DNM3: variants seen among roughly 807,000 people sequenced by gnomAD.
DNM3 encodes dynamin-3.
In DNM3, 47 loss-of-function variants were observed where a neutral mutation model predicts 101.6. The ratio of observed to expected loss-of-function variants is 0.46; its 90% CI spans 0.37 to 0.59. DNM3 has a LOEUF of 0.59. Ranked by LOEUF, DNM3 falls within the 20% of genes least tolerant of loss-of-function variation. DNM3 has a pLI of 0.00. For synonymous variants in DNM3, 385 were observed against 387.9 expected, an observed-to-expected ratio of 0.99 and a Z score of 0.09; for missense variants, 849 against 1,085.7, an observed-to-expected ratio of 0.78 and a Z score of 3.06.
At chr1:171,962,688 C>T (rs1220013569) in intron 2 of DNM3, among the ~76,000 whole-genome samples, 1 of 152,112 alleles carries the variant, frequency 6.6e-6, no homozygotes, top group Non-Finnish European at 1.5e-5. Context: ...ACTCCCCTCT[C>T]CTGATTTCTT....
At chr1:172,364,513 A>T (rs1379731025) in intron 17 of DNM3, among the ~76,000 whole-genome samples, 1 of 151,946 alleles carries the variant, frequency 6.6e-6, no homozygotes, top group Non-Finnish European at 1.5e-5. Context: ...GGGATTGGAC[A>T]GAATCTATAG....
chr1:172,332,340 C>T (rs1317437848), intron 17 of DNM3, among the ~76,000 whole-genome samples: 2 of 152,150 alleles, frequency 1.3e-5, no homozygotes, highest in African/African-American at 4.8e-5. Flanking sequence ...GATGGAGTCT[C>T]ACTCTGTCAC....
At chr1:172,077,699 T>C (rs2052777616) in intron 11 of DNM3, among the ~76,000 whole-genome samples, 1 of 152,230 alleles carries the variant, frequency 6.6e-6, no homozygotes, top group Admixed American at 6.5e-5. Context: ...TCTGTTCTTT[T>C]GCATTTGCTG....
intron 14 of DNM3, among the ~76,000 whole-genome samples, chr1:172,172,789 C>T (rs967934686): frequency 1.1e-4 from 17 of 151,744 alleles, no homozygotes; most frequent in African/African-American, 4.1e-4. Context: ...AAGCACTTCC[C>T]ATCCCGAGTA....
intron 8 of DNM3, among the ~76,000 whole-genome samples, chr1:172,043,995 A>G (rs547612459): frequency 1.3e-5 from 2 of 152,356 alleles, no homozygotes; most frequent in South Asian, 4.1e-4. Flanking sequence ...TGTTAATTTC[A>G]GGACATCTGT....
intron 16 of DNM3, among the ~76,000 whole-genome samples, chr1:172,321,763 G>A (rs549305992): frequency 6.6e-5 from 10 of 152,288 alleles, no homozygotes; most frequent in Admixed American, 2.0e-4. Context: ...CTGCACTGCT[G>A]TGGAATGCAA....
chr1:172,052,841 T>G (rs1180046855), intron 10 of DNM3, among the ~76,000 whole-genome samples: 1 of 152,194 alleles, frequency 6.6e-6, no homozygotes, highest in Non-Finnish European at 1.5e-5. Context: ...CAACTACCAC[T>G]TAAAATATTG....
chr1:172,376,006 A>G (rs2068582132), intron 17 of DNM3: 1 of 152,074 alleles, frequency 6.6e-6, no homozygotes, highest in Non-Finnish European at 1.5e-5. Flanking sequence ...AACAAAAATA[A>G]TAATAGTAGT....
chr1:172,169,456 G>A (rs910694228), intron 14 of DNM3, among the ~76,000 whole-genome samples: 3 of 151,886 alleles, frequency 2.0e-5, no homozygotes, highest in Non-Finnish European at 4.4e-5. Context: ...TAGTCTTAGG[G>A]AAAACAACAT....
chr1:172,174,025 A>G (rs1379414540), intron 14 of DNM3, among the ~76,000 whole-genome samples: 1 of 151,704 alleles, frequency 6.6e-6, no homozygotes, highest in Non-Finnish European at 1.5e-5. Context: ...ATACCATAGT[A>G]GTATGTTAAT....
intron 1 of DNM3, among the ~76,000 whole-genome samples, chr1:171,885,317 A>AT (rs1334067647): frequency 5.3e-5 from 8 of 152,180 alleles, no homozygotes; most frequent in Non-Finnish European, 5.9e-5. Flanking sequence ...GAAAAGTAAA[A>AT]TTTTTTACCT....
chr1:172,320,785 T>C lies in DNM3; in HGVS notation c.1882-2544T>C, dbSNP rs187278133. The stretch of plus-strand genomic sequence containing the variant: ...CCAGCCTCCATCGGTTAGTCAGGAG[T>C]GAGCAGAAAGGCTGTCGGGAGCTGA... On this transcript the variant is annotated intron_variant, in intron 16 of 20. Transcript: ENST00000627582. Among the ~76,000 whole-genome samples the C allele has an allele frequency of 4.1e-3, 626 of 152,086 alleles. 6 individuals carry two copies. Among genetic ancestry groups the C allele is most frequent in the Middle Eastern group, 0.01 (3 of 294 alleles).
intron 11 of DNM3, among the ~76,000 whole-genome samples, chr1:172,072,895 C>G (rs138091884): frequency 4.6e-5 from 7 of 151,876 alleles, no homozygotes; most frequent in African/African-American, 1.7e-4. Flanking sequence ...CAAAAAACAA[C>G]AACAAAAAAA....
In DNM3 at chr1:172,031,129, G is replaced by A. The variant is rs535787820; in HGVS notation, c.590-1273G>A. 3.3e-5 allele frequency among the ~76,000 whole-genome samples: 5 copies of A among 152,182 alleles called. No homozygotes were observed. The South Asian group carries it at 1.0e-3, about 32-fold the overall frequency. On this transcript the variant is annotated intron_variant, in intron 4 of 20. Transcript: ENST00000627582. The stretch of plus-strand genomic sequence containing the variant: ...TATGTTTATTGATGCACTATTTATA[G>A]TAGCAAAGAATTGGAACCAACCCAA...
At chr1:171,953,280 A>G (rs987365509) in intron 2 of DNM3, among the ~76,000 whole-genome samples, 1 of 152,190 alleles carries the variant, frequency 6.6e-6, no homozygotes, top group East Asian at 1.9e-4. Flanking sequence ...ATTAAATGCC[A>G]TATGCACACC....
At chr1:172,131,028 G>A in intron 13 of DNM3, 147 bp from the exon 14 acceptor site, 1 of 676,636 alleles carries the variant, frequency 1.5e-6, no homozygotes, top group Non-Finnish European at 2.6e-6. Flanking sequence ...AAATTCTCTT[G>A]AATAACTCAA....
rs1339904304 is a variant in DNM3, at chr1:171,933,000, T to G, written c.235+11179T>G. Among the ~76,000 whole-genome samples, 4 of 152,214 alleles carry G rather than the reference T, an allele frequency of 2.6e-5. 1 individual carries two copies. Among genetic ancestry groups the G allele is most frequent in the African/African-American group, 9.6e-5 (4 of 41,454 alleles). On this transcript the variant is annotated intron_variant, in intron 2 of 20. Transcript: ENST00000627582. Reference sequence around the variant, plus strand: ...AGTCCTTGACCATTCCTTCTTTTTTTTTCCTGTTAATCAGTGAGGATCATA... The same window carrying G: ...AGTCCTTGACCATTCCTTCTTTTTTGTTCCTGTTAATCAGTGAGGATCATA...
intron 2 of DNM3, among the ~76,000 whole-genome samples, chr1:171,981,264 T>A (rs558462395): frequency 5.3e-5 from 8 of 152,226 alleles, no homozygotes; most frequent in Non-Finnish European, 8.8e-5. Flanking sequence ...TGGAGCCCTG[T>A]GCTCACAAAA....
At chr1:172,323,047 A>G (rs933393781) in intron 16 of DNM3, among the ~76,000 whole-genome samples, 6 of 152,142 alleles carry the variant, frequency 3.9e-5, no homozygotes, top group Non-Finnish European at 7.3e-5. Context: ...TCCAAATAGA[A>G]AGAAAGGGGG....
Sources: gnomAD v4.1 joint callset for allele counts (sites outside exome capture counted in the v4.1 genomes callset) on GRCh38, gnomAD v4.1.1 for gene constraint, MANE v1.5 for transcripts, NCBI Gene and HGNC (gene_info 2026-07-23, HGNC 2026-07-21) for gene names.